The following LPP variants were observed in gnomAD, a reference collection of about 807,000 sequenced individuals.
LPP encodes lipoma-preferred partner.
LPP carries 38 observed loss-of-function variants against 60.4 expected under a neutral mutation model. That is an observed-to-expected ratio of 0.63 (90% CI 0.49 to 0.83). LPP has a LOEUF of 0.83. Among genes scored for constraint, LPP ranks in the 40% least tolerant of loss-of-function variants. LPP has a pLI of 0.00. For missense variants in LPP, 902 were observed against 783.6 expected (o/e 1.15, Z -1.80); for synonymous variants, 328 against 290.8 (o/e 1.13, Z -1.30).
chr3:188,247,102 C>CT (rs1727238685), intron 2 of LPP: 4 of 827,704 alleles, frequency 4.8e-6, no homozygotes, highest in Non-Finnish European at 5.8e-6. Context: ...TCCTGGGCCT[C>CT]ACTTGACCCA....
At chr3:188,427,623 T>TCTA in intron 4 of LPP, among the ~76,000 whole-genome samples, 1 of 152,250 alleles carries the variant, frequency 6.6e-6, no homozygotes, top group East Asian at 1.9e-4. Context: ...AGAGGAGGAA[T>TCTA]CTATAGCGGC....
intron 5 of LPP, among the ~76,000 whole-genome samples, chr3:188,486,770 A>G (rs1354301054): frequency 6.6e-6 from 1 of 152,320 alleles, no homozygotes; most frequent in East Asian, 1.9e-4. Flanking sequence ...TTTGGTGTAT[A>G]CTAATAAAAT....
intron 6 of LPP, among the ~76,000 whole-genome samples, chr3:188,555,458 G>C (rs1469099451): frequency 1.3e-5 from 2 of 152,088 alleles, no homozygotes; most frequent in Non-Finnish European, 2.9e-5. Flanking sequence ...AATGATAGTT[G>C]GTTGGACTTG....
At chr3:188,565,357 T>A (rs1831880168) in intron 6 of LPP, among the ~76,000 whole-genome samples, 1 of 151,992 alleles carries the variant, frequency 6.6e-6, no homozygotes, top group African/African-American at 2.4e-5. Flanking sequence ...CCCCAGATGT[T>A]TGCAAGTAAA....
intron 6 of LPP, among the ~76,000 whole-genome samples, chr3:188,592,964 C>A (rs1839220757): frequency 1.3e-5 from 2 of 152,044 alleles, no homozygotes; most frequent in Admixed American, 1.3e-4. Context: ...ACAGTGAATA[C>A]AAAGTTGAAC....
intron 7 of LPP, among the ~76,000 whole-genome samples, chr3:188,673,278 C>T (rs891422472): frequency 6.6e-6 from 1 of 151,240 alleles, no homozygotes; most frequent in Non-Finnish European, 1.5e-5. Context: ...TGAGCTTGGT[C>T]AATTTACATC....
chr3:188,791,705 C>T (rs4470509), intron 9 of LPP, among the ~76,000 whole-genome samples: 104,361 of 151,958 alleles, frequency 0.69, 36,185 homozygotes, highest in East Asian at 0.9. Flanking sequence ...ACATTGCCAT[C>T]CTTCAGGTCT....
chr3:188,414,389 G>A, intron 4 of LPP, among the ~76,000 whole-genome samples: 1 of 152,096 alleles, frequency 6.6e-6, no homozygotes, highest in East Asian at 1.9e-4. Flanking sequence ...TGCTTAGCTG[G>A]TATGTGTAAA....
chr3:188,206,329 C>T (rs760732002), intron 1 of LPP, among the ~76,000 whole-genome samples: 1 of 152,254 alleles, frequency 6.6e-6, no homozygotes, highest in East Asian at 1.9e-4. Context: ...CTTTGACCTG[C>T]ATTTTGCAAC....
intron 6 of LPP, among the ~76,000 whole-genome samples, chr3:188,551,205 G>C (rs929210681): frequency 1.3e-5 from 2 of 152,150 alleles, no homozygotes; most frequent in Non-Finnish European, 2.9e-5. Flanking sequence ...GGAGGCGAAA[G>C]GCACTTCTTA....
intron 3 of LPP, among the ~76,000 whole-genome samples, chr3:188,405,535 C>A (rs1783253144): frequency 1.3e-5 from 2 of 152,062 alleles, no homozygotes; most frequent in African/African-American, 4.8e-5. Context: ...AGCACTCAAA[C>A]CCAGTCTGTA....
intron 6 of LPP, among the ~76,000 whole-genome samples, chr3:188,580,512 T>C (rs189864451): frequency 6.6e-6 from 1 of 152,320 alleles, no homozygotes; most frequent in African/African-American, 2.4e-5. Flanking sequence ...TCCATCTTAT[T>C]GAAAGGTCCT....
chr3:188,256,322 C>A (rs1731662131), intron 2 of LPP, among the ~76,000 whole-genome samples: 1 of 152,090 alleles, frequency 6.6e-6, no homozygotes, highest in Admixed American at 6.6e-5. Context: ...AGTTTGTTAG[C>A]TAGATAACTT....
chr3:188,469,722 C>T (rs1801341418), intron 4 of LPP, among the ~76,000 whole-genome samples: 1 of 152,060 alleles, frequency 6.6e-6, no homozygotes, highest in African/African-American at 2.4e-5. Context: ...TCTTTTACCC[C>T]TAACTCTTTG....
chr3:188,890,416 A>G lies in LPP; in HGVS notation c.*15937A>G, dbSNP rs1039223731. 13 of 200,802 alleles carry G rather than the reference A, an allele frequency of 6.5e-5. No homozygotes were observed. Among genetic ancestry groups the G allele is most frequent in the African/African-American group, 3.0e-4 (13 of 43,564 alleles). 12.4% of individuals were successfully genotyped at this position (200,802 alleles called of 1,614,324 possible). ...CCATCACTGATGTATCCAAAATAGCACACATAGTTCAGTATGAAAATAAGA... is the reference window on the plus strand; with the variant it reads ...CCATCACTGATGTATCCAAAATAGCGCACATAGTTCAGTATGAAAATAAGA... On this transcript the variant is annotated 3_prime_UTR_variant, in exon 12 of 12. Coordinates refer to ENST00000617246, the MANE Select transcript of LPP (RefSeq NM_001375462.1).
chr3:188,427,091 A>T (rs1029973124), intron 4 of LPP, among the ~76,000 whole-genome samples: 1 of 152,066 alleles, frequency 6.6e-6, no homozygotes, highest in African/African-American at 2.4e-5. Context: ...CTAGTACTGT[A>T]CTAGTTGTTC....
chr3:188,699,080 G>T (rs1033852592), intron 7 of LPP, among the ~76,000 whole-genome samples: 1 of 152,134 alleles, frequency 6.6e-6, no homozygotes, highest in Non-Finnish European at 1.5e-5. Context: ...TATTTAATAT[G>T]TTACAAAGCT....
chr3:188,563,399 C>A (rs1182630392), intron 6 of LPP, among the ~76,000 whole-genome samples: 1 of 150,388 alleles, frequency 6.6e-6, no homozygotes, highest in Non-Finnish European at 1.5e-5. Context: ...TCACCATTGT[C>A]TTTTTGTTGT....
At chr3:188,800,446 C>T (rs560132850) in intron 9 of LPP, among the ~76,000 whole-genome samples, 53 of 151,950 alleles carry the variant, frequency 3.5e-4, no homozygotes, top group Middle Eastern at 6.8e-3. Context: ...GGGGTTTCAT[C>T]GTGTTAGCCA....
Sources: allele counts gnomAD v4.1 joint callset (sites outside exome capture counted in the v4.1 genomes callset), GRCh38; gene constraint gnomAD v4.1.1; transcripts MANE v1.5; gene names NCBI Gene and HGNC (gene_info 2026-07-23, HGNC 2026-07-21).